CEP112: variants seen among roughly 807,000 people sequenced by gnomAD.
CEP112 encodes the protein centrosomal protein 112.
In CEP112, 127 loss-of-function variants were observed where a neutral mutation model predicts 153.0. The observed-to-expected ratio is 0.83, with a 90% CI of 0.72 to 0.96. CEP112 has a LOEUF of 0.96. Ranked by LOEUF, CEP112 falls within the 40% of genes least tolerant of loss-of-function variation. The probability of loss-of-function intolerance (pLI) is 0.00; values close to 1 mark genes in which losing one functional copy is unlikely to be tolerated. For synonymous variants in CEP112, 358 were observed against 374.4 expected (o/e 0.96, Z 0.51); for missense variants, 1,089 against 1,101.2 (o/e 0.99, Z 0.16).
At position 65,794,296 on chromosome 17, in the gene CEP112, A is replaced by G. The variant is rs181325983; in HGVS notation, c.2395-43572T>C. ...CATAGAAAAAGGATAAATATTCATT[A>G]AAAGAATAGACAAATGATCTGTTTC... On this transcript the variant is annotated intron_variant, in intron 21 of 26. Transcript: ENST00000535342. Among the ~76,000 whole-genome samples the G allele has an allele frequency of 3.1e-3, 467 of 152,346 alleles. 3 individuals carry two copies. Among genetic ancestry groups the G allele is most frequent in the Non-Finnish European group, 5.0e-3 (342 of 68,034 alleles).
At chr17:66,172,970 G>A (rs897983259) in intron 4 of CEP112, among the ~76,000 whole-genome samples, 1 of 151,962 alleles carries the variant, frequency 6.6e-6, no homozygotes, top group African/African-American at 2.4e-5. Flanking sequence ...TATTGCTCAC[G>A]CTGGCCTCAC....
At chr17:66,078,446 C>T (rs145206738) in intron 8 of CEP112, among the ~76,000 whole-genome samples, 1,542 of 151,848 alleles carry the variant, frequency 0.01, 27 homozygotes, top group African/African-American at 0.035. Context: ...TTAGTAGAGA[C>T]GGGGTTTCAT....
rs767643385 is a variant in CEP112, at chr17:66,029,964, G to C, written c.1278C>G (p.Asn426Lys). ...RVQQLTGEAE[N>K]SNLQRQKLIQ... is the part of the protein sequence containing the mutation. ...TTAATTTCTGCCTCTGTAAATTACTGTTCTCTGCTTCTCCAGTCAGCTGCT... is the reference window on the plus strand; with the variant it reads ...TTAATTTCTGCCTCTGTAAATTACTCTTCTCTGCTTCTCCAGTCAGCTGCT... The change falls in exon 13 of 27, where the codon AAC (asparagine) becomes AAG (lysine). Residue 426 changes from asparagine to lysine, a missense_variant. By Grantham distance (94) the Asn-to-Lys change is moderately conservative (BLOSUM62 0). Coordinates refer to ENST00000535342, the MANE Select transcript of CEP112 (RefSeq NM_001199165.4). 1 of 1,613,000 alleles carries C rather than the reference G, an allele frequency of 6.2e-7. No homozygotes were observed. Among genetic ancestry groups the C allele is most frequent in the Non-Finnish European group, 8.5e-7 (1 of 1,179,432 alleles).
chr17:65,805,090 C>G (rs559013320), intron 21 of CEP112, among the ~76,000 whole-genome samples: 23 of 152,186 alleles, frequency 1.5e-4, no homozygotes, highest in Admixed American at 3.9e-4. Context: ...CTCAAGTGAC[C>G]TGGCCACTTT....
At chr17:66,127,922 A>G (rs912717204) in intron 6 of CEP112, among the ~76,000 whole-genome samples, 1 of 152,110 alleles carries the variant, frequency 6.6e-6, no homozygotes, top group Non-Finnish European at 1.5e-5. Flanking sequence ...TCAATCAGTC[A>G]CTTAGCACAT....
intron 20 of CEP112, among the ~76,000 whole-genome samples, chr17:65,872,792 A>T (rs2058706440): frequency 6.6e-6 from 1 of 152,326 alleles, no homozygotes; most frequent in East Asian, 1.9e-4. Flanking sequence ...TTTGAACTTG[A>T]CATTTTTGAT....
At chr17:65,830,537 C>A (rs2057032189) in intron 21 of CEP112, among the ~76,000 whole-genome samples, 1 of 152,176 alleles carries the variant, frequency 6.6e-6, no homozygotes, top group South Asian at 2.1e-4. Context: ...AAACAGCCGG[C>A]ACTGATTACT....
chr17:65,810,981 G>A (rs1050681695), intron 21 of CEP112, among the ~76,000 whole-genome samples: 1 of 152,182 alleles, frequency 6.6e-6, no homozygotes, highest in Non-Finnish European at 1.5e-5. Flanking sequence ...GTGAAATCGA[G>A]GTCATCATCT....
chr17:65,895,371 C>T (rs1046045392), intron 20 of CEP112, among the ~76,000 whole-genome samples: 1 of 151,996 alleles, frequency 6.6e-6, no homozygotes, highest in African/African-American at 2.4e-5. Flanking sequence ...GCTACTGCTG[C>T]TGTTAAACAC....
chr17:65,654,412 C>T (rs144014303), intron 24 of CEP112, among the ~76,000 whole-genome samples: 13 of 152,180 alleles, frequency 8.5e-5, no homozygotes, highest in Non-Finnish European at 1.5e-4. Flanking sequence ...AAGCGTGCAG[C>T]GCAATAGGAG....
chr17:65,836,765 C>G (rs566747833), intron 21 of CEP112, among the ~76,000 whole-genome samples: 1 of 152,106 alleles, frequency 6.6e-6, no homozygotes, highest in Admixed American at 6.5e-5. Context: ...GTAAACTGTC[C>G]TCTAGACCAA....
At chr17:66,052,016 C>G (rs1251700194) in intron 12 of CEP112, among the ~76,000 whole-genome samples, 1 of 152,184 alleles carries the variant, frequency 6.6e-6, no homozygotes, top group Non-Finnish European at 1.5e-5. Flanking sequence ...GCAAAATCAT[C>G]TAACACAAAG....
At chr17:65,843,877 G>A (rs907069912) in intron 21 of CEP112, among the ~76,000 whole-genome samples, 5 of 152,128 alleles carry the variant, frequency 3.3e-5, no homozygotes, top group African/African-American at 1.2e-4. Flanking sequence ...ATTTACAAAG[G>A]AAAAGATGAA....
At chr17:65,919,119 G>A (rs1875728940) in intron 19 of CEP112, among the ~76,000 whole-genome samples, 5 of 152,362 alleles carry the variant, frequency 3.3e-5, no homozygotes, top group Admixed American at 3.3e-4. Flanking sequence ...TGAGGGCATA[G>A]CCTGAAGCAG....
intron 21 of CEP112, among the ~76,000 whole-genome samples, chr17:65,774,053 C>G (rs1171002944): frequency 6.6e-6 from 1 of 150,884 alleles, no homozygotes; most frequent in African/African-American, 2.4e-5. Context: ...CACCACTGCA[C>G]TCCAGCCTGG....
At chr17:65,678,059 C>A (rs1660373108) in intron 24 of CEP112, among the ~76,000 whole-genome samples, 1 of 152,092 alleles carries the variant, frequency 6.6e-6, no homozygotes, top group Non-Finnish European at 1.5e-5. Flanking sequence ...AGTTAAGTGG[C>A]CCCTCGGAAT....
At chr17:65,759,311 T>C (rs1158693639) in intron 21 of CEP112, among the ~76,000 whole-genome samples, 1 of 152,162 alleles carries the variant, frequency 6.6e-6, no homozygotes, top group Non-Finnish European at 1.5e-5. Context: ...TTCTATTTCC[T>C]TGATAAATTT....
intron 4 of CEP112, among the ~76,000 whole-genome samples, chr17:66,153,414 G>A (rs1156670563): frequency 6.7e-6 from 1 of 148,676 alleles, no homozygotes; most frequent in Non-Finnish European, 1.5e-5. Flanking sequence ...TATTGTAAGT[G>A]GAAGAACTAG....
chr17:65,805,652 G>A (rs924663869), intron 21 of CEP112, among the ~76,000 whole-genome samples: 10 of 152,060 alleles, frequency 6.6e-5, no homozygotes, highest in African/African-American at 1.4e-4. Flanking sequence ...ACTGACTTGC[G>A]GAACATTTTA....
Sources: allele counts gnomAD v4.1 joint callset (sites outside exome capture counted in the v4.1 genomes callset), GRCh38; gene constraint gnomAD v4.1.1; transcripts MANE v1.5; gene names NCBI Gene and HGNC (gene_info 2026-07-23, HGNC 2026-07-21).